Variants in KLC3 observed in about 807,000 individuals in gnomAD.
KLC3 encodes the protein kinesin light chain 3, also known as kinesin light chain 2.
KLC3 carries 72 observed loss-of-function variants against 62.9 expected under a neutral mutation model. The ratio of observed to expected loss-of-function variants is 1.15; its 90% CI spans 0.95 to 1.39. KLC3 has a LOEUF of 1.39. KLC3 is among the 40% of genes most tolerant of loss of function. The pLI is 0.00. For missense variants in KLC3, 848 were observed against 691.6 expected, an observed-to-expected ratio of 1.23 and a Z score of -2.54; for synonymous variants, 377 against 300.5, an observed-to-expected ratio of 1.25 and a Z score of -2.63.
chr19:45,349,359 A>G, intron 7 of KLC3, 70 bp from the exon 8 acceptor site: 1 of 1,484,252 alleles, frequency 6.7e-7, no homozygotes, highest in Non-Finnish European at 9.1e-7. Flanking sequence ...CATGACCACC[A>G]TACAGCAGTG....
chr19:45,349,705 G>C lies in KLC3; in HGVS notation c.1143+103G>C, dbSNP rs951845677. ...GTGAGCAACGTGAGGGTGGGGGGGG[G>C]CCCCCCAGGCCGGGCCCTTGGAGCA... On this transcript the variant is annotated intron_variant, in intron 8 of 12. Coordinates refer to ENST00000391946, the MANE Select transcript of KLC3 (RefSeq NM_177417.3). 8.9e-5 allele frequency: 70 copies of C among 789,112 alleles called. 2 individuals are homozygous for C. Among genetic ancestry groups the C allele is most frequent in the African/African-American group, 3.4e-4 (20 of 59,212 alleles). The allele number at this position is 789,112 out of a possible 1,614,324, so 48.9% of individuals were successfully genotyped here.
chr19:45,351,152 G>C (rs904066218), intron 12 of KLC3, 134 bp from the exon 13 acceptor site: 5 of 1,593,176 alleles, frequency 3.1e-6, no homozygotes, highest in Non-Finnish European at 4.3e-6. Context: ...CAGGACAGGA[G>C]CAAAGATGGG....
At chr19:45,345,823 C>T (rs1255210758) in intron 2 of KLC3, 24 bp downstream of exon 2, 6 of 1,523,586 alleles carry the variant, frequency 3.9e-6, no homozygotes, top group Middle Eastern at 2.3e-4. Flanking sequence ...AGGTGGGGAG[C>T]TGGGGGAAGG....
intron 4 of KLC3, 112 bp from the exon 5 acceptor site, chr19:45,347,829 A>C: frequency 1.1e-6 from 1 of 872,894 alleles, no homozygotes; most frequent in Non-Finnish European, 1.8e-6. Flanking sequence ...GGGGGCCCAT[A>C]GTCCCAGGGG....
chr19:45,350,686 A>G lies in KLC3; in HGVS notation c.1318A>G (p.Arg440Gly), dbSNP rs779895784. The change falls in exon 11 of 13, where the codon AGG becomes GGG. Residue 440 changes from arginine (R) to glycine (G), a missense_variant. Physicochemically the swap from Arg to Gly is moderately radical, Grantham distance 125. Transcript: ENST00000391946. The part of the protein sequence containing the change: ...SSLSKIRESI[R>G]RGSEKLVSRL... The stretch of plus-strand genomic sequence containing the variant: ...ACTCTCCAAGATCCGTGAGTCTATC[A>G]GGCGAGGAAGTGAGAAGCTGGTCTC... 6 of 1,613,742 alleles carry G rather than the reference A, an allele frequency of 3.7e-6. No homozygotes were observed. The highest frequency in any genetic ancestry group is 2.2e-5 in the South Asian group (2 of 91,018).
At chr19:45,349,702 G>GGGGCCCCCCAGGCCGGGCCCCCCAGGCC (rs59684170) in intron 8 of KLC3, 100 bp downstream of exon 8, 6 of 813,332 alleles carry the variant, frequency 7.4e-6, no homozygotes, top group Non-Finnish European at 1.1e-5. Context: ...AGGGTGGGGG[G>GGGGCCCCCCAGGCCGGGCCCCCCAGGCC]GGGCCCCCCA....
In KLC3 at chr19:45,348,201, AGGGACCCATT is replaced by A; in HGVS notation, c.779+45_779+54del. 3 of 1,516,846 alleles carry A rather than the reference AGGGACCCATT, an allele frequency of 2.0e-6. No homozygotes were observed. The South Asian group carries it at 3.6e-5, about 18-fold the overall frequency. 94.0% of individuals were successfully genotyped at this position (1,516,846 alleles called of 1,614,324 possible). A position where few individuals can be genotyped will look rare whatever the true frequency, so the allele number is the denominator to read the frequency against. On this transcript the variant is annotated intron_variant, in intron 5 of 12. Coordinates refer to ENST00000391946, the MANE Select transcript of KLC3 (RefSeq NM_177417.3). The stretch of plus-strand genomic sequence containing the variant: ...AGCCATGGCTGGGGGCAGGAACGGC[AGGGACCCATT>A]GGGTGCAAGTGGAAGGATCCTGGTG...
chr19:45,349,320 T>A, intron 7 of KLC3, 109 bp from the exon 8 acceptor site: 2 of 1,145,476 alleles, frequency 1.7e-6, no homozygotes, highest in Admixed American at 2.4e-5. Flanking sequence ...CTCAGGTCAC[T>A]CTCTGCTTTG....
intron 5 of KLC3, 71 bp downstream of exon 5, chr19:45,348,231 C>T: frequency 7.4e-6 from 10 of 1,356,066 alleles, no homozygotes; most frequent in Non-Finnish European, 1.0e-5. Context: ...TGGAAGGATC[C>T]TGGTGCCCCC....
intron 1 of KLC3, among the ~76,000 whole-genome samples, chr19:45,343,156 G>A (rs997688009): frequency 6.6e-6 from 1 of 152,114 alleles, no homozygotes; most frequent in Non-Finnish European, 1.5e-5. Context: ...GGGAGTGTGT[G>A]CATCTGGAGG....
At position 45,348,797 on chromosome 19, in the gene KLC3, C is replaced by T. The variant is rs777831276; in HGVS notation, c.868-23C>T. The T allele has an allele frequency of 9.6e-6, 15 of 1,562,454 alleles. 1 individual carries two copies. The South Asian group carries it at 1.5e-4, about 16-fold the overall frequency. On this transcript the variant is annotated intron_variant, in intron 6 of 12. Coordinates refer to ENST00000391946, the MANE Select transcript of KLC3 (RefSeq NM_177417.3). ...GGGGCCACACCTGCCCATCCCTGAC[C>T]TGTGCCTCCCCCAACCCCGCAGGTG...
At position 45,347,964 on chromosome 19, in the gene KLC3, G is replaced by C. The variant is rs1378463099; in HGVS notation, c.583G>C (p.Ala195Pro). 1.2e-6 allele frequency: 2 copies of C among 1,607,810 alleles called. No individual in the cohort carries two copies. Among genetic ancestry groups the C allele is most frequent in the South Asian group, 1.1e-5 (1 of 89,608 alleles). The change falls in exon 5 of 13, where the codon GCT becomes CCT. Residue 195 changes from alanine to proline, a missense_variant. By Grantham distance (27) the Ala-to-Pro change is conservative. Coordinates refer to ENST00000391946, the MANE Select transcript of KLC3 (RefSeq NM_177417.3). ...RKGPEAAGAA[A>P]AQQGGYEIPA... ...AGGTCCTGAGGCCGCAGGAGCAGCA[G>C]CTGCTCAGCAGGGTGGCTATGAGAT...
Position 45,349,582 on chromosome 19 carries a change from GCCAAGA to G in KLC3, c.1130_1135del (p.Thr377_Lys378del), listed in dbSNP as rs1289840755. 4.3e-6 allele frequency: 7 copies of G among 1,611,864 alleles called. No homozygotes were observed. Among genetic ancestry groups the G allele is most frequent in the South Asian group, 3.3e-5 (3 of 91,010 alleles). ...GGGCGGGCCCCATGACCCCAACGTG[GCCAAGA>G]CCAAGAACAACCTGGTGAGGCCCCT... On this transcript the variant is annotated inframe_deletion, in exon 8 of 13. Coordinates refer to ENST00000391946, the MANE Select transcript of KLC3 (RefSeq NM_177417.3).
chr19:45,345,339 G>A (rs1055618590), intron 1 of KLC3, 195 bp from the exon 2 acceptor site: 12 of 696,140 alleles, frequency 1.7e-5, no homozygotes, highest in Non-Finnish European at 2.7e-5. Context: ...TTCCAGATGA[G>A]AGCTGGCTGG....
At chr19:45,344,492 T>C in intron 1 of KLC3, among the ~76,000 whole-genome samples, 1 of 151,850 alleles carries the variant, frequency 6.6e-6, no homozygotes, top group East Asian at 1.9e-4. Context: ...GTGCTGGCAT[T>C]ACAGGCGTGA....
Position 45,345,329 on chromosome 19 carries a change from T to C in KLC3, c.-8-205T>C, listed in dbSNP as rs573540402. On this transcript the variant is annotated intron_variant, in intron 1 of 12. Coordinates refer to ENST00000391946, the MANE Select transcript of KLC3 (RefSeq NM_177417.3). ...GGACAGACGAAGGTAGACAAGACTGTTCCAGATGAGAGCTGGCTGGGATGG... is the reference window on the plus strand; with the variant it reads ...GGACAGACGAAGGTAGACAAGACTGCTCCAGATGAGAGCTGGCTGGGATGG... The C allele has an allele frequency of 9.8e-5, 66 of 670,716 alleles. No homozygotes were observed. The East Asian group carries it at 1.8e-3, about 18-fold the overall frequency. 41.5% of individuals were successfully genotyped at this position (670,716 alleles called of 1,614,324 possible). A position where few individuals can be genotyped will look rare whatever the true frequency, so the allele number is the denominator to read the frequency against.
Position 45,348,756 on chromosome 19 carries a change from GAAGTGGGGTCA to G in KLC3, c.867+32_867+42del, listed in dbSNP as rs200761707. The G allele has an allele frequency of 8.8e-4, 1,375 of 1,569,888 alleles. 23 individuals are homozygous for G. The East Asian group carries it at 0.03, about 34-fold the overall frequency. On this transcript the variant is annotated intron_variant, in intron 6 of 12. Transcript: ENST00000391946. Reference sequence around the variant, plus strand: ...GCGGTGAGTGGGGCCCCAGGGAGACGAAGTGGGGTCAAAGTGGGGCCACACCTGCCCATCCC... The same window carrying G: ...GCGGTGAGTGGGGCCCCAGGGAGACGAAGTGGGGCCACACCTGCCCATCCC...
At chr19:45,346,149 G>C (rs760465128) in intron 2 of KLC3, among the ~76,000 whole-genome samples, 14 of 152,120 alleles carry the variant, frequency 9.2e-5, no homozygotes, top group Middle Eastern at 3.2e-3. Flanking sequence ...GTGACAGAGA[G>C]AGACTGTCCC....
chr19:45,350,393 AAG>A lies in KLC3; in HGVS notation c.1198_1199del (p.Glu400AsnfsTer21). 1 of 1,613,916 alleles carries A rather than the reference AAG, an allele frequency of 6.2e-7. No homozygotes were observed. Among genetic ancestry groups the A allele is most frequent in the Non-Finnish European group, 8.5e-7 (1 of 1,179,972 alleles). On this transcript the variant is annotated frameshift_variant, in exon 9 of 13. Transcript: ENST00000391946. LOFTEE classifies it high-confidence loss of function. ...TATCAACAAGCGGAAGAGCTGTACA[AAG>A]AAATCCTCCACAAGGAGGACCTACC...
Sources: gnomAD v4.1 joint callset for allele counts (sites outside exome capture counted in the v4.1 genomes callset) on GRCh38, gnomAD v4.1.1 for gene constraint, MANE v1.5 for transcripts, NCBI Gene and HGNC (gene_info 2026-07-23, HGNC 2026-07-21) for gene names.